MYCBP2: variants seen among roughly 807,000 people sequenced by gnomAD.
MYCBP2 encodes MYC binding protein 2, also known as E3 ubiquitin-protein ligase MYCBP2.
Under a neutral mutation model 525.3 loss-of-function variants are expected in MYCBP2, and 120 were observed. The ratio of observed to expected loss-of-function variants is 0.23; its 90% CI spans 0.20 to 0.27. The LOEUF (loss-of-function observed/expected upper bound fraction) is 0.27, where lower values mean the gene tolerates loss of function less well. Ranked by LOEUF, MYCBP2 falls within the 10% of genes least tolerant of loss-of-function variation. The pLI, the probability that MYCBP2 is intolerant of heterozygous loss-of-function variation, is 1.00. For missense variants in MYCBP2, 4,149 were observed against 5,657.1 expected, an observed-to-expected ratio of 0.73 and a Z score of 8.55; for synonymous variants, 1,894 against 1,955.8, an observed-to-expected ratio of 0.97 and a Z score of 0.83.
chr13:77,139,386 G>C (rs890509754), intron 51 of MYCBP2, 50 bp from the exon 52 acceptor site: 1 of 1,587,832 alleles, frequency 6.3e-7, no homozygotes, highest in Non-Finnish European at 8.6e-7. Context: ...TAAGTCCTAT[G>C]AGGCTAGCAA....
intron 17 of MYCBP2, 22 bp from the exon 18 acceptor site, chr13:77,233,285 G>T (rs1306683006): frequency 6.4e-7 from 1 of 1,556,292 alleles, no homozygotes; most frequent in Admixed American, 1.7e-5. Context: ...CATTTTGTAT[G>T]TGCATAGAAA....
chr13:77,290,176 T>C (rs2077324253), intron 2 of MYCBP2, among the ~76,000 whole-genome samples: 1 of 152,104 alleles, frequency 6.6e-6, no homozygotes, highest in Non-Finnish European at 1.5e-5. Flanking sequence ...AAATGAGATA[T>C]AGTACACACC....
chr13:77,189,962 A>G (rs141855928), intron 29 of MYCBP2, among the ~76,000 whole-genome samples: 2 of 152,170 alleles, frequency 1.3e-5, no homozygotes, highest in Admixed American at 1.3e-4. Flanking sequence ...GAAATTAGTA[A>G]GAAAATCAAT....
Position 77,166,525 on chromosome 13 carries a change from C to T in MYCBP2, c.6144G>A (p.Met2048Ile). 2 of 1,613,196 alleles carry T rather than the reference C, an allele frequency of 1.2e-6. No homozygotes were observed. The highest frequency in any genetic ancestry group is 1.7e-6 in the Non-Finnish European group (2 of 1,179,546). Residue 2048 changes from methionine to isoleucine, a missense_variant, in exon 41 of 83, where the codon ATG becomes ATA. Coordinates refer to ENST00000544440, the MANE Select transcript of MYCBP2 (RefSeq NM_015057.5). The part of the protein sequence containing the change: ...KVTFPECVRW[M>I]TIEFDPQCGT... Reference sequence around the variant, plus strand: ...CACACTGAGGGTCAAATTCGATTGTCATCCACCTCACACATTCTGGGAATG... The same window carrying T: ...CACACTGAGGGTCAAATTCGATTGTTATCCACCTCACACATTCTGGGAATG...
At chr13:77,055,801 CATTT>C (rs1324470231) in intron 79 of MYCBP2, 34 bp from the exon 80 acceptor site, 4 of 1,492,982 alleles carry the variant, frequency 2.7e-6, no homozygotes, top group South Asian at 2.3e-5. Context: ...TTAGCAGAAT[CATTT>C]ATTAACCAAC....
chr13:77,071,653 A>G (rs2041304784), intron 68 of MYCBP2, among the ~76,000 whole-genome samples: 1 of 152,186 alleles, frequency 6.6e-6, no homozygotes, highest in Admixed American at 6.5e-5. Flanking sequence ...GCAAAAAACC[A>G]AAAACCAGTA....
intron 62 of MYCBP2, 56 bp downstream of exon 62, chr13:77,087,428 G>T: frequency 7.3e-7 from 1 of 1,378,438 alleles, no homozygotes; most frequent in Non-Finnish European, 1.0e-6. Flanking sequence ...ACTATTTGAA[G>T]GTATACTACC....
At chr13:77,287,939 C>T (rs191954838) in intron 3 of MYCBP2, among the ~76,000 whole-genome samples, 37 of 152,316 alleles carry the variant, frequency 2.4e-4, no homozygotes, top group Middle Eastern at 3.4e-3. Context: ...TCCCTTCCTG[C>T]GCTTTCCAGT....
At chr13:77,119,525 T>C (rs1215104608) in intron 55 of MYCBP2, among the ~76,000 whole-genome samples, 1 of 152,068 alleles carries the variant, frequency 6.6e-6, no homozygotes, top group East Asian at 1.9e-4. Context: ...TGAAGAATTT[T>C]CTAAAATACT....
At chr13:77,192,081 A>G (rs149717702) in intron 27 of MYCBP2, among the ~76,000 whole-genome samples, 246 of 152,394 alleles carry the variant, frequency 1.6e-3, no homozygotes, top group African/African-American at 5.7e-3. Flanking sequence ...TATTAAAATT[A>G]GAATGTTTTA....
At chr13:77,294,131 C>CATATATATATATATATACAT in intron 2 of MYCBP2, among the ~76,000 whole-genome samples, 1,545 of 65,664 alleles carry the variant, frequency 0.024, 73 homozygotes, top group African/African-American at 0.074. Context: ...TATATATATA[C>CATATATATATATATATACAT]ATATATATAT....
chr13:77,050,497 C>T (rs1441707411), intron 82 of MYCBP2, among the ~76,000 whole-genome samples: 3 of 152,038 alleles, frequency 2.0e-5, no homozygotes, highest in Non-Finnish European at 4.4e-5. Flanking sequence ...TACTTCTTTC[C>T]CCTCAGCCTG....
rs150236976 is a variant in MYCBP2 at position 77,288,229 on chromosome 13, C to A, written c.526G>T (p.Val176Leu). ...ISLAAASKNSVQSGESDSDEE... is the reference protein window; with the variant it reads ...ISLAAASKNSLQSGESDSDEE... ...TCACTATCTGATTCTCCACTCTGCA[C>A]AGAGTTCTTAGATGCGGCTGCCAAT... is the stretch of plus-strand genomic sequence containing the variant. The change falls in exon 3 of 83, where the codon GTG becomes TTG. Residue 176 changes from valine (V) to leucine (L), a missense_variant. Val to Leu is a conservative substitution (Grantham distance 32). Transcript: ENST00000544440. The A allele has an allele frequency of 6.2e-7, 1 of 1,614,174 alleles. No individual in the cohort carries two copies. The highest frequency in any genetic ancestry group is 8.5e-7 in the Non-Finnish European group (1 of 1,180,028).
chr13:77,253,842 T>C (rs2071656688), intron 14 of MYCBP2, among the ~76,000 whole-genome samples: 1 of 151,962 alleles, frequency 6.6e-6, no homozygotes, highest in African/African-American at 2.4e-5. Flanking sequence ...GAGTATAAAT[T>C]GTTACAATCT....
At chr13:77,203,016 T>C (rs1054352643) in intron 26 of MYCBP2, among the ~76,000 whole-genome samples, 4 of 151,188 alleles carry the variant, frequency 2.6e-5, no homozygotes, top group Non-Finnish European at 4.4e-5. Flanking sequence ...ACCACTCCTA[T>C]TCAACATAGT....
chr13:77,168,124 A>G (rs1425987612), intron 40 of MYCBP2, among the ~76,000 whole-genome samples: 1 of 152,206 alleles, frequency 6.6e-6, no homozygotes, highest in African/African-American at 2.4e-5. Context: ...AAAATTGTTA[A>G]TGCTTATATC....
chr13:77,271,825 C>T (rs575062306), intron 5 of MYCBP2, among the ~76,000 whole-genome samples: 7 of 152,298 alleles, frequency 4.6e-5, no homozygotes, highest in Non-Finnish European at 7.3e-5. Context: ...AGCGTGAAAA[C>T]GGACTTAATG....
chr13:77,092,944 C>A (rs990506779), intron 59 of MYCBP2, among the ~76,000 whole-genome samples: 10 of 152,168 alleles, frequency 6.6e-5, no homozygotes, highest in African/African-American at 2.4e-4. Flanking sequence ...ATAATGTAAT[C>A]TTTAATTCCT....
At chr13:77,166,037 T>A (rs1429799377) in intron 41 of MYCBP2, among the ~76,000 whole-genome samples, 6 of 152,166 alleles carry the variant, frequency 3.9e-5, no homozygotes, top group African/African-American at 1.4e-4. Context: ...TTTCTATAAT[T>A]TGGACCCAAC....
Sources: gnomAD v4.1 joint callset for allele counts (sites outside exome capture counted in the v4.1 genomes callset) on GRCh38, gnomAD v4.1.1 for gene constraint, MANE v1.5 for transcripts, NCBI Gene and HGNC (gene_info 2026-07-23, HGNC 2026-07-21) for gene names.